The following MOB3B variants were observed in gnomAD, a reference collection of about 807,000 sequenced individuals.
The protein encoded by MOB3B is MOB kinase activator 3B, also known as MOB kinase activator-like 2B.
In MOB3B, 7 loss-of-function variants were observed where a neutral mutation model predicts 18.7. The observed-to-expected ratio is 0.37, with a 90% CI of 0.21 to 0.70. The LOEUF (loss-of-function observed/expected upper bound fraction) is 0.70. Among genes scored for constraint, MOB3B ranks in the 30% least tolerant of loss-of-function variants. The pLI is 0.52. For missense variants in MOB3B, 253 were observed against 281.3 expected (o/e 0.90, Z 0.72); for synonymous variants, 111 against 99.9 (o/e 1.11, Z -0.66).
intron 1 of MOB3B, among the ~76,000 whole-genome samples, chr9:27,496,226 G>C (rs555807502): frequency 6.6e-6 from 1 of 152,362 alleles, no homozygotes; most frequent in East Asian, 1.9e-4. Context: ...GCAGGAACAA[G>C]TGGAGATTAA....
intron 3 of MOB3B, among the ~76,000 whole-genome samples, chr9:27,342,616 G>A (rs539593877): frequency 7.1e-4 from 108 of 152,296 alleles, no homozygotes; most frequent in South Asian, 4.6e-3. Context: ...GCAGGCGCGC[G>A]CCGCCACACC....
chr9:27,525,410 C>A (rs1053031815), intron 1 of MOB3B, among the ~76,000 whole-genome samples: 18 of 152,180 alleles, frequency 1.2e-4, no homozygotes, highest in African/African-American at 4.3e-4. Context: ...CTTATACATG[C>A]TCCCTAGAGT....
chr9:27,487,153 A>AAATAAATAAATAAATAAATT (rs1241652908), intron 1 of MOB3B, among the ~76,000 whole-genome samples: 1 of 22,846 alleles, frequency 4.4e-5, no homozygotes, highest in East Asian at 3.9e-3. Flanking sequence ...ATAAATAAAT[A>AAATAAATAAATAAATAAATT]AAATAAATAA....
At chr9:27,451,443 A>G (rs1822781507) in intron 2 of MOB3B, among the ~76,000 whole-genome samples, 1 of 152,192 alleles carries the variant, frequency 6.6e-6, no homozygotes, top group Non-Finnish European at 1.5e-5. Context: ...GCCATCTGAG[A>G]AAGTTCGACT....
At chr9:27,397,568 T>C (rs1821818812) in intron 2 of MOB3B, 1 of 152,204 alleles carries the variant, frequency 6.6e-6, no homozygotes, top group Admixed American at 6.5e-5. Flanking sequence ...TCTGTGAAAT[T>C]TGACTACATC....
At chr9:27,433,744 T>A (rs1822451423) in intron 2 of MOB3B, among the ~76,000 whole-genome samples, 1 of 152,172 alleles carries the variant, frequency 6.6e-6, no homozygotes, top group South Asian at 2.1e-4. Context: ...TGAAGGTGCA[T>A]GGGATTCTTA....
At chr9:27,343,801 A>C (rs1182361524) in intron 3 of MOB3B, among the ~76,000 whole-genome samples, 1 of 151,686 alleles carries the variant, frequency 6.6e-6, no homozygotes, top group Non-Finnish European at 1.5e-5. Context: ...AATGCATTGA[A>C]AATTGGTAGC....
chr9:27,408,993 C>T (rs1276607930), intron 2 of MOB3B, among the ~76,000 whole-genome samples: 1 of 152,198 alleles, frequency 6.6e-6, no homozygotes, highest in Non-Finnish European at 1.5e-5. Context: ...AGAGTGCTCA[C>T]TATGTGCCAA....
At chr9:27,495,927 AG>A (rs2131491154) in intron 1 of MOB3B, among the ~76,000 whole-genome samples, 2 of 152,340 alleles carry the variant, frequency 1.3e-5, no homozygotes, top group South Asian at 4.1e-4. Flanking sequence ...CCTATCCTGG[AG>A]GAACAGTAAG....
intron 1 of MOB3B, among the ~76,000 whole-genome samples, chr9:27,528,457 T>A (rs1820473998): frequency 6.6e-6 from 1 of 152,208 alleles, no homozygotes; most frequent in Non-Finnish European, 1.5e-5. Context: ...ATCTGAGAAA[T>A]GCGCCCTGGG....
At position 27,360,362 on chromosome 9, in the gene MOB3B, C is replaced by T. The variant is rs138753674; in HGVS notation, c.419-1126G>A. Among the ~76,000 whole-genome samples, 32 of 152,204 alleles carry T rather than the reference C, an allele frequency of 2.1e-4. No homozygotes were observed. In the East Asian group the frequency reaches 3.9e-3, roughly 18 times the overall value. ...CTACTAAAAATACAAAAAAATTAGC[C>T]GGGCATGTGGCGTGCGCCTGTAATC... On this transcript the variant is annotated intron_variant, in intron 2 of 3. Transcript: ENST00000262244.
At chr9:27,453,053 A>C (rs2131446762) in intron 2 of MOB3B, among the ~76,000 whole-genome samples, 1 of 152,326 alleles carries the variant, frequency 6.6e-6, no homozygotes, top group East Asian at 1.9e-4. Flanking sequence ...AGAGAGGTTC[A>C]AGGAATTTGC....
At position 27,359,110 on chromosome 9, in the gene MOB3B, A is replaced by C. The variant is rs1376430694; in HGVS notation, c.545T>G (p.Val182Gly). Reference sequence around the variant, plus strand: ...ATAGAAGTGTTTGTAGCAGGTGTTGACATGGGCCTCTGCACCCATCACAAT... The same window carrying C: ...ATAGAAGTGTTTGTAGCAGGTGTTGCCATGGGCCTCTGCACCCATCACAAT... The part of the protein sequence containing the change: ...RVIVMGAEAH[V>G]NTCYKHFYYF... Residue 182 changes from valine (V) to glycine (G), a missense_variant, in exon 3 of 4, where the codon GTC becomes GGC. Coordinates refer to ENST00000262244, the MANE Select transcript of MOB3B (RefSeq NM_024761.5). 6.2e-7 allele frequency: 1 copy of C among 1,614,122 alleles called. No homozygotes were observed. Among genetic ancestry groups the C allele is most frequent in the South Asian group, 1.1e-5 (1 of 91,078 alleles).
chr9:27,482,653 C>T (rs754423315), intron 1 of MOB3B, among the ~76,000 whole-genome samples: 1 of 152,164 alleles, frequency 6.6e-6, no homozygotes, highest in Non-Finnish European at 1.5e-5. Flanking sequence ...TGCTGGTGGC[C>T]TGCCCAGATG....
At chr9:27,520,184 C>G (rs1457424234) in intron 1 of MOB3B, among the ~76,000 whole-genome samples, 2 of 152,160 alleles carry the variant, frequency 1.3e-5, no homozygotes, top group African/African-American at 2.4e-5. Flanking sequence ...ACAGCTATAT[C>G]GTCTAGACTG....
At chr9:27,487,533 G>A (rs774294498) in intron 1 of MOB3B, among the ~76,000 whole-genome samples, 73 of 152,124 alleles carry the variant, frequency 4.8e-4, no homozygotes, top group Admixed American at 9.8e-4. Context: ...CATGAGACCT[G>A]GGGGGCCAGG....
At chr9:27,488,745 C>T (rs1422996790) in intron 1 of MOB3B, among the ~76,000 whole-genome samples, 4 of 152,316 alleles carry the variant, frequency 2.6e-5, no homozygotes, top group Middle Eastern at 3.4e-3. Context: ...GCATACCCAT[C>T]GAGTAGCACT....
chr9:27,430,156 C>T lies in MOB3B; in HGVS notation c.418+24977G>A, dbSNP rs181249663. 2.0e-5 allele frequency among the ~76,000 whole-genome samples: 3 copies of T among 152,326 alleles called. No individual in the cohort carries two copies. The East Asian group carries it at 5.8e-4, about 29-fold the overall frequency. On this transcript the variant is annotated intron_variant, in intron 2 of 3. Transcript: ENST00000262244. ...CTTGACCTGGTACTTTCATTCTCCACATCCTCTGCCAGGCACACCTTTTTA... is the reference window on the plus strand; with the variant it reads ...CTTGACCTGGTACTTTCATTCTCCATATCCTCTGCCAGGCACACCTTTTTA...
rs80295707 is a variant in MOB3B at position 27,441,698 on chromosome 9, A to T, written c.418+13435T>A. The stretch of plus-strand genomic sequence containing the variant: ...TTCAGACCACAGTTGACCACAGGTG[A>T]CTGAAACAGAGGAAATCAGAACCAT... On this transcript the variant is annotated intron_variant, in intron 2 of 3. Coordinates refer to ENST00000262244, the MANE Select transcript of MOB3B (RefSeq NM_024761.5). Among the ~76,000 whole-genome samples, 72 of 152,348 alleles carry T rather than the reference A, an allele frequency of 4.7e-4. No individual in the cohort carries two copies. The East Asian group carries it at 0.013, about 29-fold the overall frequency.
Sources: allele counts gnomAD v4.1 joint callset (sites outside exome capture counted in the v4.1 genomes callset), GRCh38; gene constraint gnomAD v4.1.1; transcripts MANE v1.5; gene names NCBI Gene and HGNC (gene_info 2026-07-23, HGNC 2026-07-21).